Variants in FGF13 observed in about 807,000 individuals in gnomAD.
FGF13 encodes fibroblast growth factor 13.
Under a neutral mutation model 19.5 loss-of-function variants are expected in FGF13, and 2 were observed. That is an observed-to-expected ratio of 0.10 (90% CI 0.04 to 0.32). The LOEUF is 0.32. FGF13 is among the 10% of genes least tolerant of loss of function. FGF13 has a pLI of 1.00. For synonymous variants in FGF13, 72 were observed against 76.9 expected (o/e 0.94, Z 0.33); for missense variants, 113 against 192.7 (o/e 0.59, Z 2.45).
chrX:138,830,687 T>TAG (rs1556225883), intron 3 of FGF13, among the ~76,000 whole-genome samples: 3 of 87,520 alleles, frequency 3.4e-5, no homozygotes, highest in African/African-American at 1.3e-4. Context: ...AAAGGGGTGT[T>TAG]TGTGTGTGTG....
chrX:138,882,427 T>C (rs771805507), intron 1 of FGF13, among the ~76,000 whole-genome samples: 2 of 112,044 alleles, frequency 1.8e-5, no homozygotes, highest in Non-Finnish European at 3.8e-5. Context: ...TTAACAGTCA[T>C]TTTATGAGAA....
intron 1 of FGF13, among the ~76,000 whole-genome samples, chrX:139,111,908 G>GAAC (rs1246051788): frequency 8.9e-6 from 1 of 111,747 alleles, no homozygotes; most frequent in African/African-American, 3.3e-5. Flanking sequence ...ATTGCTGGAT[G>GAAC]AACAACCTCC....
At chrX:139,178,583 C>T (rs2084212086) in intron 1 of FGF13, among the ~76,000 whole-genome samples, 1 of 112,209 alleles carries the variant, frequency 8.9e-6, no homozygotes, top group Admixed American at 9.4e-5. Context: ...CAGTTTGAAA[C>T]TCTCCATGTA....
rs190387563 is a variant in FGF13 at position 138,947,882 on chromosome X, C to T, written c.-112-83232G>A. ...GGTGGGGCCCTAATCCATTCTCACT[C>T]CTGTCCTTAAAAGAAGAAATTTGGA... is the stretch of plus-strand genomic sequence containing the variant. On this transcript the variant is annotated intron_variant, in intron 1 of 2. Coordinates refer to the FGF13 transcript ENST00000421460. Among the ~76,000 whole-genome samples, 152 of 111,011 alleles carry T rather than the reference C, an allele frequency of 1.4e-3. 1 individual carries two copies. Among genetic ancestry groups the T allele is most frequent in the Non-Finnish European group, 2.5e-3 (133 of 52,929 alleles).
intron 1 of FGF13, among the ~76,000 whole-genome samples, chrX:138,874,254 T>C (rs1235066518): frequency 1.9e-5 from 2 of 107,847 alleles, no homozygotes; most frequent in Non-Finnish European, 3.8e-5. Context: ...TAATGGACAG[T>C]TAAGTAGAAT....
chrX:139,003,370 A>G (rs2092083380), intron 1 of FGF13, among the ~76,000 whole-genome samples: 2 of 111,727 alleles, frequency 1.8e-5, no homozygotes, highest in Non-Finnish European at 3.8e-5. Context: ...AGCAGCGTGG[A>G]CCCAAAGAGT....
intron 1 of FGF13, among the ~76,000 whole-genome samples, chrX:138,933,200 T>C (rs1383951904): frequency 4.5e-5 from 5 of 112,066 alleles, no homozygotes; most frequent in East Asian, 2.8e-4. Context: ...ACTGAGGGCA[T>C]TGACCATGTC....
At chrX:138,932,284 T>C (rs1240766335) in intron 1 of FGF13, among the ~76,000 whole-genome samples, 1 of 111,827 alleles carries the variant, frequency 8.9e-6, no homozygotes, top group Non-Finnish European at 1.9e-5. Context: ...TACTGAGCCA[T>C]TAAAACGAAA....
intron 1 of FGF13, among the ~76,000 whole-genome samples, chrX:139,068,623 G>T (rs1268490138): frequency 1.8e-5 from 2 of 109,843 alleles, no homozygotes; most frequent in African/African-American, 3.3e-5. Context: ...CATGAGCATG[G>T]AATGTTCTTC....
chrX:138,645,127 C>A (rs1303760872), intron 3 of FGF13, among the ~76,000 whole-genome samples: 1 of 111,581 alleles, frequency 9.0e-6, no homozygotes, highest in Non-Finnish European at 1.9e-5. Context: ...GTGTCCCAGG[C>A]ACTGTGACAG....
intron 1 of FGF13, among the ~76,000 whole-genome samples, chrX:139,040,480 A>T (rs1778842378): frequency 8.9e-6 from 1 of 111,738 alleles, no homozygotes; most frequent in Non-Finnish European, 1.9e-5. Context: ...GACACTTAAA[A>T]ACCAAAATCC....
At chrX:139,084,224 A>T (rs1217144963) in intron 1 of FGF13, among the ~76,000 whole-genome samples, 2 of 110,753 alleles carry the variant, frequency 1.8e-5, no homozygotes, top group African/African-American at 6.6e-5. Context: ...GAGGAGAAGG[A>T]GTGGAGAAGG....
intron 3 of FGF13, among the ~76,000 whole-genome samples, chrX:138,790,258 T>C (rs2090732320): frequency 9.3e-6 from 1 of 107,133 alleles, no homozygotes; most frequent in African/African-American, 3.4e-5. Flanking sequence ...GAGAACTAGC[T>C]ATCTCTCTAG....
At chrX:138,949,003 A>C (rs918894104) in intron 1 of FGF13, among the ~76,000 whole-genome samples, 4 of 111,952 alleles carry the variant, frequency 3.6e-5, no homozygotes, top group Non-Finnish European at 7.5e-5. Flanking sequence ...TATTATTTCC[A>C]TTGTACAGGT....
intron 1 of FGF13, among the ~76,000 whole-genome samples, chrX:138,867,650 A>G (rs2091334406): frequency 9.0e-6 from 1 of 111,229 alleles, no homozygotes; most frequent in African/African-American, 3.3e-5. Flanking sequence ...CCACAAGAAC[A>G]GTATGGGGGC....
At chrX:138,828,616 G>C (rs1461188724) in intron 3 of FGF13, among the ~76,000 whole-genome samples, 2 of 109,480 alleles carry the variant, frequency 1.8e-5, no homozygotes, top group African/African-American at 3.3e-5. Context: ...CAGCACTCAA[G>C]AGACAGATCT....
intron 1 of FGF13, among the ~76,000 whole-genome samples, chrX:138,891,772 C>G (rs1026195481): frequency 9.1e-6 from 1 of 110,148 alleles, no homozygotes; most frequent in Admixed American, 9.8e-5. Flanking sequence ...CAGCTGCCAG[C>G]GAATATAAAG....
At chrX:138,638,252 C>T (rs1384044964) in intron 3 of FGF13, among the ~76,000 whole-genome samples, 1 of 112,042 alleles carries the variant, frequency 8.9e-6, no homozygotes, top group African/African-American at 3.2e-5. Flanking sequence ...AAATTCTCCA[C>T]AATTCAGTCA....
intron 2 of FGF13, among the ~76,000 whole-genome samples, chrX:138,863,742 A>G (rs144586772): frequency 8.2e-4 from 92 of 111,874 alleles, no homozygotes; most frequent in African/African-American, 2.7e-3. Flanking sequence ...GGTATCTGCA[A>G]TGGAGGAAAC....
Sources: allele counts gnomAD v4.1 joint callset (sites outside exome capture counted in the v4.1 genomes callset), GRCh38; gene constraint gnomAD v4.1.1; transcripts MANE v1.5; gene names NCBI Gene and HGNC (gene_info 2026-07-23, HGNC 2026-07-21).